PDE1C: variants seen among roughly 807,000 people sequenced by gnomAD.
PDE1C encodes dual specificity calcium/calmodulin-dependent 3',5'-cyclic nucleotide phosphodiesterase 1C.
Under a neutral mutation model 93.1 loss-of-function variants are expected in PDE1C, and 62 were observed. That is an observed-to-expected ratio of 0.67 (90% confidence interval 0.54 to 0.82). The LOEUF is 0.82. PDE1C is among the 40% of genes least tolerant of loss of function. The pLI, the probability that PDE1C is intolerant of heterozygous loss-of-function variation, is 0.00. For synonymous variants in PDE1C, 325 were observed against 310.1 expected (o/e 1.05, Z -0.50); for missense variants, 742 against 884.6 (o/e 0.84, Z 2.04).
intron 1 of PDE1C, among the ~76,000 whole-genome samples, chr7:32,331,030 A>G (rs1486465130): frequency 1.3e-5 from 2 of 151,244 alleles, no homozygotes; most frequent in African/African-American, 4.9e-5. Context: ...AACCCTGGGC[A>G]AGAGGCAAGA....
At chr7:32,096,820 A>AGATAGATAGAT (rs1554502436) in intron 3 of PDE1C, among the ~76,000 whole-genome samples, 4 of 144,482 alleles carry the variant, frequency 2.8e-5, no homozygotes, top group African/African-American at 1.0e-4. Context: ...AGGGGATAGA[A>AGATAGATAGAT]AGATAGATAG....
At chr7:31,638,864 C>T in the PDE1C span, among the ~76,000 whole-genome samples, 1 of 152,276 alleles carries the variant, frequency 6.6e-6, no homozygotes, top group South Asian at 2.1e-4. Context: ...ACAACCTCCA[C>T]CTCCCAGGTT....
chr7:31,810,406 G>T (rs888302458), intron 15 of PDE1C, among the ~76,000 whole-genome samples: 1 of 152,052 alleles, frequency 6.6e-6, no homozygotes, highest in Non-Finnish European at 1.5e-5. Flanking sequence ...TACTTTATTT[G>T]TGCCAGGCAG....
At chr7:31,846,309 C>A (rs959762103) in intron 9 of PDE1C, among the ~76,000 whole-genome samples, 1 of 148,760 alleles carries the variant, frequency 6.7e-6, no homozygotes, top group African/African-American at 2.5e-5. Flanking sequence ...AGAACAGAGG[C>A]CTCAGAAATA....
At chr7:32,266,076 C>T (rs1585050254) in intron 1 of PDE1C, among the ~76,000 whole-genome samples, 1 of 126,830 alleles carries the variant, frequency 7.9e-6, no homozygotes. Flanking sequence ...AGATCGAGAC[C>T]ATCCTGGCCA....
chr7:31,790,368 G>C, intron 16 of PDE1C: 1 of 856,236 alleles, frequency 1.2e-6, no homozygotes, highest in South Asian at 1.5e-5. Context: ...AAAAAAATGG[G>C]ATAACCAATT....
chr7:32,160,661 G>A (rs544299038), intron 3 of PDE1C, among the ~76,000 whole-genome samples: 6 of 152,244 alleles, frequency 3.9e-5, no homozygotes, highest in African/African-American at 1.4e-4. Flanking sequence ...GGCCAACATG[G>A]TGAAACCCCA....
At chr7:32,221,426 G>A (rs549268090) in intron 1 of PDE1C, among the ~76,000 whole-genome samples, 1 of 152,258 alleles carries the variant, frequency 6.6e-6, no homozygotes, top group South Asian at 2.1e-4. Context: ...GGAGTTTCCA[G>A]GAGGCTGTCA....
the PDE1C span, chr7:31,643,204 G>A: frequency 5.0e-6 from 8 of 1,613,948 alleles, no homozygotes; most frequent in Non-Finnish European, 6.8e-6. Flanking sequence ...GTTCCTTCAT[G>A]TTGACTCTGA....
intron 2 of PDE1C, among the ~76,000 whole-genome samples, chr7:31,896,570 G>C (rs1799353042): frequency 6.6e-6 from 1 of 152,140 alleles, no homozygotes; most frequent in South Asian, 2.1e-4. Flanking sequence ...CTGATAAAGA[G>C]ATAAGAATAG....
At chr7:31,714,962 G>A in the PDE1C span, among the ~76,000 whole-genome samples, 3 of 152,100 alleles carry the variant, frequency 2.0e-5, no homozygotes, top group Non-Finnish European at 2.9e-5. Flanking sequence ...TGGGGCAGGG[G>A]GTGCTGTCCT....
At chr7:31,711,478 C>G in the PDE1C span, among the ~76,000 whole-genome samples, 1 of 152,084 alleles carries the variant, frequency 6.6e-6, no homozygotes, top group Non-Finnish European at 1.5e-5. Context: ...TAGCCTAGTG[C>G]TGTTTATATA....
intron 1 of PDE1C, among the ~76,000 whole-genome samples, chr7:32,069,864 T>C (rs929415180): frequency 4.6e-5 from 7 of 152,226 alleles, no homozygotes; most frequent in African/African-American, 1.7e-4. Context: ...AGAATGCATG[T>C]TGAATTTTAA....
At chr7:32,389,242 G>T (rs1160781422) in intron 1 of PDE1C, among the ~76,000 whole-genome samples, 1 of 138,330 alleles carries the variant, frequency 7.2e-6, no homozygotes, top group Admixed American at 7.7e-5. Context: ...TTGTTATGGA[G>T]TCTCACTGTC....
At chr7:32,364,185 A>G (rs1784188142) in intron 1 of PDE1C, among the ~76,000 whole-genome samples, 1 of 152,242 alleles carries the variant, frequency 6.6e-6, no homozygotes, top group Non-Finnish European at 1.5e-5. Context: ...ATCCTGTATT[A>G]GCTTACTGGG....
At chr7:31,663,706 GAA>G in the PDE1C span, among the ~76,000 whole-genome samples, 1 of 152,200 alleles carries the variant, frequency 6.6e-6, no homozygotes, top group African/African-American at 2.4e-5. Flanking sequence ...AACCAGAAAT[GAA>G]ATTTGCCAAC....
chr7:32,327,115 A>G (rs1783418065), intron 1 of PDE1C, among the ~76,000 whole-genome samples: 1 of 152,200 alleles, frequency 6.6e-6, no homozygotes, highest in African/African-American at 2.4e-5. Context: ...ATCCATTAAT[A>G]ACCTCCATTG....
chr7:32,080,367 G>A (rs1796590150), intron 3 of PDE1C, among the ~76,000 whole-genome samples: 1 of 152,098 alleles, frequency 6.6e-6, no homozygotes, highest in South Asian at 2.1e-4. Flanking sequence ...GACAAGTACT[G>A]TGAAATTTAT....
intron 2 of PDE1C, among the ~76,000 whole-genome samples, chr7:32,170,189 A>G (rs1442739218): frequency 6.6e-6 from 1 of 152,160 alleles, no homozygotes; most frequent in Non-Finnish European, 1.5e-5. Context: ...ATCTTGTCTC[A>G]TTGCAGTGGT....
Sources: allele counts gnomAD v4.1 joint callset (sites outside exome capture counted in the v4.1 genomes callset), GRCh38; gene constraint gnomAD v4.1.1; transcripts MANE v1.5; gene names NCBI Gene and HGNC (gene_info 2026-07-23, HGNC 2026-07-21).